Variants in ADA observed in about 807,000 individuals in gnomAD.
ADA encodes the protein adenosine aminohydrolase.
Under a neutral mutation model 49.0 loss-of-function variants are expected in ADA, and 45 were observed. The observed-to-expected ratio is 0.92, with a 90% CI of 0.72 to 1.18. ADA has a LOEUF of 1.18. Among genes scored for constraint, ADA ranks in the 50% most tolerant of loss-of-function variants. ADA has a pLI of 0.00. For synonymous variants in ADA, 173 were observed against 184.2 expected (o/e 0.94, Z 0.49); for missense variants, 445 against 472.5 (o/e 0.94, Z 0.54).
intron 1 of ADA, among the ~76,000 whole-genome samples, chr20:44,648,714 TA>T (rs2065615809): frequency 6.6e-6 from 1 of 151,878 alleles, no homozygotes; most frequent in Admixed American, 6.6e-5. Context: ...TTGGAGTCAA[TA>T]GGGGTCCCGC....
intron 2 of ADA, among the ~76,000 whole-genome samples, chr20:44,634,809 T>C (rs561451015): frequency 1.3e-5 from 2 of 152,384 alleles, no homozygotes; most frequent in East Asian, 1.9e-4. Context: ...GGATCCCTCA[T>C]TCTCTCCATG....
At chr20:44,650,014 C>T (rs780576011) in intron 1 of ADA, among the ~76,000 whole-genome samples, 4 of 152,174 alleles carry the variant, frequency 2.6e-5, no homozygotes, top group Admixed American at 6.5e-5. Flanking sequence ...GGATTATAGG[C>T]GTGAGCCACT....
In ADA at chr20:44,622,893, C is replaced by T. The variant is rs1312320956; in HGVS notation, c.716G>A (p.Gly239Asp). ...GGCCTGGTCTTCCAGGGTGTGGTAG[C>T]CGTGTCCCAGCCGCTCTGTCTTGAG... is the stretch of plus-strand genomic sequence containing the variant. Reference protein sequence around the residue: ...DILKTERLGHGYHTLEDQALY... With the variant: ...DILKTERLGHDYHTLEDQALY... The change falls in exon 8 of 12, where the codon GGC becomes GAC. Residue 239 changes from glycine to aspartate, a missense_variant. Physicochemically the swap from Gly to Asp is moderately conservative, Grantham distance 94 (BLOSUM62 -1). Coordinates refer to ENST00000372874, the MANE Select transcript of ADA (RefSeq NM_000022.4). 6.2e-7 allele frequency: 1 copy of T among 1,614,254 alleles called. No homozygotes were observed. The highest frequency in any genetic ancestry group is 1.1e-5 in the South Asian group (1 of 91,084).
At chr20:44,642,811 G>C (rs1004334144) in intron 1 of ADA, among the ~76,000 whole-genome samples, 8 of 152,216 alleles carry the variant, frequency 5.3e-5, no homozygotes, top group African/African-American at 1.4e-4. Flanking sequence ...GGCAGCGTCA[G>C]AGACAGTGGG....
intron 1 of ADA, among the ~76,000 whole-genome samples, chr20:44,649,793 T>G (rs1414028423): frequency 7.3e-6 from 1 of 137,232 alleles, no homozygotes; most frequent in Non-Finnish European, 1.5e-5. Flanking sequence ...TGGAGTGCAA[T>G]GGCGAGATCT....
intron 9 of ADA, among the ~76,000 whole-genome samples, chr20:44,622,276 C>T (rs570673566): frequency 4.6e-5 from 7 of 152,334 alleles, no homozygotes; most frequent in African/African-American, 7.2e-5. Context: ...ATGCGATGCC[C>T]AGGGGGCAGA....
In ADA at chr20:44,622,839, A is replaced by G. The variant is rs145863450; in HGVS notation, c.770T>C (p.Met257Thr). ...ALYNRLRQEN[M>T]HFEICPWSSY... Reference sequence around the variant, plus strand: ...CCCTGGCCCGCTTACCTCGAAGTGCATGTTTTCCTGCCGCAGCCTGTTATA... The same window carrying G: ...CCCTGGCCCGCTTACCTCGAAGTGCGTGTTTTCCTGCCGCAGCCTGTTATA... The change falls in exon 8 of 12, where the codon ATG becomes ACG. Residue 257 changes from methionine (M) to threonine (T), a missense_variant. Coordinates refer to ENST00000372874, the MANE Select transcript of ADA (RefSeq NM_000022.4). 4.6e-5 allele frequency: 74 copies of G among 1,614,160 alleles called. No individual in the cohort carries two copies. The African/African-American group carries it at 8.1e-4, about 18-fold the overall frequency.
intron 2 of ADA, among the ~76,000 whole-genome samples, chr20:44,630,684 T>C (rs548942489): frequency 6.6e-6 from 1 of 152,276 alleles, no homozygotes; most frequent in Non-Finnish European, 1.5e-5. Context: ...AATTAGAAGA[T>C]TAAATCAGGA....
At chr20:44,619,894 C>G (rs376316124) in intron 11 of ADA, 47 bp from the exon 12 acceptor site, 7 of 1,613,176 alleles carry the variant, frequency 4.3e-6, no homozygotes, top group Non-Finnish European at 5.1e-6. Flanking sequence ...ACTTGTAGTA[C>G]CCAGGATGTT....
chr20:44,638,703 G>A (rs2065503578), intron 1 of ADA, among the ~76,000 whole-genome samples: 1 of 152,212 alleles, frequency 6.6e-6, no homozygotes, highest in African/African-American at 2.4e-5. Context: ...CCCAGAGTGG[G>A]AGAGGCATTA....
At chr20:44,633,054 G>C (rs2065448031) in intron 2 of ADA, among the ~76,000 whole-genome samples, 1 of 152,208 alleles carries the variant, frequency 6.6e-6, no homozygotes, top group South Asian at 2.1e-4. Context: ...GCACTGTCTG[G>C]TCCTCTTCCG....
intron 1 of ADA, among the ~76,000 whole-genome samples, chr20:44,647,947 G>A (rs899501210): frequency 6.6e-6 from 1 of 152,026 alleles, no homozygotes; most frequent in Non-Finnish European, 1.5e-5. Flanking sequence ...TTGGGAGGCT[G>A]AGGCAGGAGG....
Position 44,623,896 on chromosome 20 carries a change from C to T in ADA, c.606+306G>A, listed in dbSNP as rs1013268641. On this transcript the variant is annotated intron_variant, in intron 6 of 11. Transcript: ENST00000372874. ...CCAAGTAGCTGGGACTACAGGCATG[C>T]ACCACCATGCCTGACTACTTTTTTT... 3.7e-5 allele frequency: 16 copies of T among 429,254 alleles called. No individual in the cohort carries two copies. In the Admixed American group the frequency reaches 4.1e-4, roughly 11 times the overall value. The allele number at this position is 429,254 out of a possible 1,614,324, so 26.6% of individuals were successfully genotyped here.
At chr20:44,621,239 C>G in intron 9 of ADA, 92 bp from the exon 10 acceptor site, 2 of 1,514,666 alleles carry the variant, frequency 1.3e-6, no homozygotes. Flanking sequence ...TTGATCCTCA[C>G]AGCAGCCTCA....
At chr20:44,635,239 A>G (rs949272553) in intron 2 of ADA, among the ~76,000 whole-genome samples, 2 of 152,178 alleles carry the variant, frequency 1.3e-5, no homozygotes, top group African/African-American at 4.8e-5. Flanking sequence ...GCCCCCTAGC[A>G]TCTCTGAGAG....
chr20:44,645,925 C>T (rs1377294768), intron 1 of ADA, among the ~76,000 whole-genome samples: 1 of 152,152 alleles, frequency 6.6e-6, no homozygotes, highest in African/African-American at 2.4e-5. Context: ...TTATCCCCCA[C>T]AACTGCTCAG....
At chr20:44,649,711 A>G (rs2065624263) in intron 1 of ADA, among the ~76,000 whole-genome samples, 2 of 148,070 alleles carry the variant, frequency 1.4e-5, no homozygotes, top group African/African-American at 5.0e-5. Flanking sequence ...AACTCCCAAC[A>G]TGTTCGCAAT....
chr20:44,633,368 A>G (rs187907918), intron 2 of ADA, among the ~76,000 whole-genome samples: 1 of 152,354 alleles, frequency 6.6e-6, no homozygotes, highest in Admixed American at 6.5e-5. Context: ...ACCTTGGGCA[A>G]GTAACCCAGA....
chr20:44,628,386 G>A (rs2047928720), intron 3 of ADA, among the ~76,000 whole-genome samples: 1 of 152,134 alleles, frequency 6.6e-6, no homozygotes, highest in Non-Finnish European at 1.5e-5. Flanking sequence ...CATTAGTTGG[G>A]TGTGATGGTG....
Sources: gnomAD v4.1 joint callset for allele counts (sites outside exome capture counted in the v4.1 genomes callset) on GRCh38, gnomAD v4.1.1 for gene constraint, MANE v1.5 for transcripts, NCBI Gene and HGNC (gene_info 2026-07-23, HGNC 2026-07-21) for gene names.